The following TRMU variants were observed in gnomAD, a reference collection of about 807,000 sequenced individuals.
TRMU encodes the protein tRNA mitochondrial 2-thiouridylase.
Under a neutral mutation model 46.9 loss-of-function variants are expected in TRMU, and 49 were observed. The ratio of observed to expected loss-of-function variants is 1.05; its 90% confidence interval spans 0.83 to 1.33. TRMU has a LOEUF of 1.33. TRMU is among the 40% of genes most tolerant of loss of function. The pLI, the probability that TRMU is intolerant of heterozygous loss-of-function variation, is 0.00. For synonymous variants in TRMU, 241 were observed against 200.9 expected (o/e 1.20, Z -1.69); for missense variants, 572 against 532.4 (o/e 1.07, Z -0.73).
Position 46,357,130 on chromosome 22 carries a change from G to T in TRMU, c.*124G>T, listed in dbSNP as rs116303153. On this transcript the variant is annotated 3_prime_UTR_variant, in exon 11 of 11. Transcript: ENST00000645190. ...AAGCAGAGGAAGCCGGGCTGGCTGA[G>T]GGTCCGAAAAGCCTGCAGGGGCCCG... 1.4e-6 allele frequency: 2 copies of T among 1,426,772 alleles called. No homozygotes were observed. Among genetic ancestry groups the T allele is most frequent in the African/African-American group, 2.8e-5 (2 of 70,634 alleles). 88.4% of individuals were successfully genotyped at this position (1,426,772 alleles called of 1,614,324 possible).
intron 2 of TRMU, 92 bp from the exon 3 acceptor site, chr22:46,343,170 A>G: frequency 1.1e-6 from 1 of 891,542 alleles, no homozygotes; most frequent in Non-Finnish European, 1.7e-6. Flanking sequence ...TGACAAGGGG[A>G]AATTACATTA....
chr22:46,356,121 C>G, intron 10 of TRMU, 49 bp downstream of exon 10: 1 of 1,600,604 alleles, frequency 6.2e-7, no homozygotes, highest in Non-Finnish European at 8.6e-7. Flanking sequence ...CTGCTCTGCA[C>G]CCTGCCAGGG....
rs760819046 is a variant in TRMU, at chr22:46,353,820, C to T, written c.826C>T (p.Pro276Ser). 2.5e-6 allele frequency: 4 copies of T among 1,613,820 alleles called. No individual in the cohort carries two copies. The highest frequency in any genetic ancestry group is 1.3e-5 in the African/African-American group (1 of 74,918). The change falls in exon 8 of 11, where the codon CCC (proline) becomes TCC (serine). Residue 276 changes from proline (P) to serine (S), a missense_variant. Transcript: ENST00000645190. ...AGCAAACATAGGTGGCCTGAGAGAG[C>T]CCTGGTACGTGGTGGAGAAGGACAG... is the stretch of plus-strand genomic sequence containing the variant. ...QRANIGGLREPWYVVEKDSVK... is the reference protein window; with the variant it reads ...QRANIGGLRESWYVVEKDSVK...
At chr22:46,353,911 C>T (rs1361016672) in intron 8 of TRMU, 44 bp downstream of exon 8, 1 of 1,583,962 alleles carries the variant, frequency 6.3e-7, no homozygotes, top group Non-Finnish European at 8.7e-7. Context: ...CTGGTTCTGG[C>T]AGGGCCAGCA....
chr22:46,351,521 G>A lies in TRMU; in HGVS notation c.652-600G>A, dbSNP rs1010280. 5,047 of 185,588 alleles carry A rather than the reference G, an allele frequency of 0.027. 281 individuals are homozygous for A. Among genetic ancestry groups the A allele is most frequent in the African/African-American group, 0.11 (4,694 of 42,426 alleles). The allele number at this position is 185,588 out of a possible 1,614,324, so 11.5% of individuals were successfully genotyped here. On this transcript the variant is annotated intron_variant, in intron 5 of 10. Coordinates refer to ENST00000645190, the MANE Select transcript of TRMU (RefSeq NM_018006.5). The surrounding 1 kb of genome is among the most constrained non-coding windows in gnomAD (Gnocchi z 6.4). ...CAGAGCCATCTTCCCTGAAGAGCAC[G>A]CCCACCGCCCGTCCTCCTCTCCTCT...
chr22:46,353,900 G>C (rs771744082), intron 8 of TRMU, 33 bp downstream of exon 8: 107 of 1,603,292 alleles, frequency 6.7e-5, no homozygotes, highest in Non-Finnish European at 8.9e-5. Flanking sequence ...CAGCACTGGG[G>C]CTGGTTCTGG....
In TRMU at chr22:46,356,913, C is replaced by A; in HGVS notation, c.1173C>A (p.Tyr391Ter). 1.2e-6 allele frequency: 2 copies of A among 1,613,288 alleles called. No homozygotes were observed. Among genetic ancestry groups the A allele is most frequent in the Non-Finnish European group, 1.7e-6 (2 of 1,179,970 alleles). The change falls in exon 11 of 11, where the codon TAC becomes TAA. Residue 391 changes from tyrosine to a stop codon, truncating the protein, a stop_gained. Coordinates refer to ENST00000645190, the MANE Select transcript of TRMU (RefSeq NM_018006.5). LOFTEE classifies it low-confidence loss of function (END_TRUNC). ...GKILRLGPSA[Y>*]TLQKGQRRAG... ...TCCTGCGGCTGGGGCCGTCTGCCTA[C>A]ACGCTCCAGAAGGGCCAGCGCAGAG...
Position 46,351,972 on chromosome 22 carries a change from C to G in TRMU, c.652-149C>G. 1.2e-6 allele frequency: 1 copy of G among 852,228 alleles called. No individual in the cohort carries two copies. 52.8% of individuals were successfully genotyped at this position (852,228 alleles called of 1,614,324 possible). Reference sequence around the variant, plus strand: ...GTGTGCGCCGGCTGTGACTGGCGGCCGAGGGTGCCGGTGGGCAGCCGGGCC... The same window carrying G: ...GTGTGCGCCGGCTGTGACTGGCGGCGGAGGGTGCCGGTGGGCAGCCGGGCC... On this transcript the variant is annotated intron_variant, in intron 5 of 10. Coordinates refer to ENST00000645190, the MANE Select transcript of TRMU (RefSeq NM_018006.5). The surrounding 1 kb of genome is among the most constrained non-coding windows in gnomAD (Gnocchi z 6.4).
Position 46,350,693 on chromosome 22 carries a change from C to T in TRMU, c.651+230C>T, listed in dbSNP as rs1303712630. ...TCCTTGCTTTTTTCCTCTCCTCTGC[C>T]CCTATGTGGTAGGCAGCTTTCCCCA... On this transcript the variant is annotated intron_variant, in intron 5 of 10. Transcript: ENST00000645190. The surrounding 1 kb of genome is among the most constrained non-coding windows in gnomAD (Gnocchi z 4.6). 1.3e-5 allele frequency among the ~76,000 whole-genome samples: 2 copies of T among 152,174 alleles called. No individual in the cohort carries two copies. Among genetic ancestry groups the T allele is most frequent in the African/African-American group, 4.8e-5 (2 of 41,438 alleles).
In TRMU at chr22:46,350,137, G is replaced by A. The variant is rs2078371142; in HGVS notation, c.479-154G>A. On this transcript the variant is annotated intron_variant, in intron 4 of 10. Coordinates refer to ENST00000645190, the MANE Select transcript of TRMU (RefSeq NM_018006.5). The surrounding 1 kb of genome is among the most constrained non-coding windows in gnomAD (Gnocchi z 4.6). ...GTGCGAATTTTTCTTACATTAACCC[G>A]TGGTGGTCTTTTCCCTAGTAGTTGC... Among the ~76,000 whole-genome samples, 1 of 151,360 alleles carries A rather than the reference G, an allele frequency of 6.6e-6. No individual in the cohort carries two copies. The highest frequency in any genetic ancestry group is 6.6e-5 in the Admixed American group (1 of 15,204).
In TRMU at chr22:46,355,472, A is replaced by G. The variant is rs186961144; in HGVS notation, c.902A>G (p.Tyr301Cys). ...VAPRTDHPAL[Y>C]RDLLRTSRVH... ...CCCCGGACAGACCACCCAGCCCTGT[A>G]CAGGGACCTGCTGAGGACCAGCCGC... is the stretch of plus-strand genomic sequence containing the variant. Residue 301 changes from tyrosine (Y) to cysteine (C), a missense_variant, in exon 9 of 11, where the codon TAC (tyrosine) becomes TGC (cysteine). Coordinates refer to ENST00000645190, the MANE Select transcript of TRMU (RefSeq NM_018006.5). 2.6e-4 allele frequency: 417 copies of G among 1,613,086 alleles called. No homozygotes were observed. The highest frequency in any genetic ancestry group is 2.9e-4 in the Non-Finnish European group (340 of 1,179,922).
chr22:46,336,219 C>T lies in TRMU; in HGVS notation c.82+373C>T. The T allele has an allele frequency of 2.9e-6, 3 of 1,036,466 alleles. No individual in the cohort carries two copies. Among genetic ancestry groups the T allele is most frequent in the Non-Finnish European group, 3.6e-6 (3 of 838,154 alleles). 64.2% of individuals were successfully genotyped at this position (1,036,466 alleles called of 1,614,324 possible). A position where few individuals can be genotyped will look rare whatever the true frequency, so the allele number is the denominator to read the frequency against. On this transcript the variant is annotated intron_variant, in intron 1 of 10. Coordinates refer to ENST00000645190, the MANE Select transcript of TRMU (RefSeq NM_018006.5). The surrounding 1 kb of genome is among the most constrained non-coding windows in gnomAD (Gnocchi z 4.1). ...CACTGGTGAGGGGAGCTGGGATCGC[C>T]GGGCCGGGGGCCTGACCTCTGCACA... is the stretch of plus-strand genomic sequence containing the variant.
chr22:46,342,618 A>G lies in TRMU; in HGVS notation c.249-644A>G, dbSNP rs2078149902. On this transcript the variant is annotated intron_variant, in intron 2 of 10. Coordinates refer to ENST00000645190, the MANE Select transcript of TRMU (RefSeq NM_018006.5). The surrounding 1 kb of genome is among the most constrained non-coding windows in gnomAD (Gnocchi z 4.7). ...ACTTGCTTGAGGCCTGGAGTTCAGTATCAGCATGGGCAACATGGCAAGACC... is the reference window on the plus strand; with the variant it reads ...ACTTGCTTGAGGCCTGGAGTTCAGTGTCAGCATGGGCAACATGGCAAGACC... Among the ~76,000 whole-genome samples, 1 of 152,220 alleles carries G rather than the reference A, an allele frequency of 6.6e-6. No individual in the cohort carries two copies. The highest frequency in any genetic ancestry group is 2.1e-4 in the South Asian group (1 of 4,834).
rs1349680128 is a variant in TRMU, at chr22:46,336,230, C to T, written c.82+384C>T. 2 of 972,422 alleles carry T rather than the reference C, an allele frequency of 2.1e-6. No individual in the cohort carries two copies. Among genetic ancestry groups the T allele is most frequent in the African/African-American group, 1.8e-5 (1 of 55,470 alleles). 60.2% of individuals were successfully genotyped at this position (972,422 alleles called of 1,614,324 possible). The stretch of plus-strand genomic sequence containing the variant: ...GGAGCTGGGATCGCCGGGCCGGGGG[C>T]CTGACCTCTGCACACGCTGTGGCCG... On this transcript the variant is annotated intron_variant, in intron 1 of 10. Coordinates refer to ENST00000645190, the MANE Select transcript of TRMU (RefSeq NM_018006.5). The surrounding 1 kb of genome is among the most constrained non-coding windows in gnomAD (Gnocchi z 4.1).
At position 46,347,025 on chromosome 22, in the gene TRMU, T is replaced by G. The variant is rs1402805333; in HGVS notation, c.478+481T>G. Among the ~76,000 whole-genome samples the G allele has an allele frequency of 6.6e-6, 1 of 152,214 alleles. No individual in the cohort carries two copies. The highest frequency in any genetic ancestry group is 2.4e-5 in the African/African-American group (1 of 41,446). On this transcript the variant is annotated intron_variant, in intron 4 of 10. Transcript: ENST00000645190. This position sits in a 1 kb window ranked among gnomAD's most constrained non-coding sequence, Gnocchi z 5.0. ...TTTGTAGCCGTATTTACACGTTAGT[T>G]TATGCGTGTTAGGGAGCCAAGTTTC...
rs1278677738 is a variant in TRMU, at chr22:46,339,687, G to A, written c.248+1743G>A. On this transcript the variant is annotated intron_variant, in intron 2 of 10. Coordinates refer to ENST00000645190, the MANE Select transcript of TRMU (RefSeq NM_018006.5). The surrounding 1 kb of genome is among the most constrained non-coding windows in gnomAD (Gnocchi z 4.8). The stretch of plus-strand genomic sequence containing the variant: ...AAAACCATTGAAATAACAATAAAAC[G>A]AAATTTAGAGAGATTAAGTAAATTG... Among the ~76,000 whole-genome samples, 1 of 152,002 alleles carries A rather than the reference G, an allele frequency of 6.6e-6. No homozygotes were observed. Among genetic ancestry groups the A allele is most frequent in the Non-Finnish European group, 1.5e-5 (1 of 68,014 alleles).
rs80009032 is a variant in TRMU at position 46,355,331 on chromosome 22, C to T, written c.874-113C>T. On this transcript the variant is annotated intron_variant, in intron 8 of 10. Coordinates refer to ENST00000645190, the MANE Select transcript of TRMU (RefSeq NM_018006.5). Reference sequence around the variant, plus strand: ...AGAACACTTCGAGCGGTGCCAGCACCGTTACCTGTGTGTGTGTGTGCTGGT... The same window carrying T: ...AGAACACTTCGAGCGGTGCCAGCACTGTTACCTGTGTGTGTGTGTGCTGGT... 8,726 of 1,472,518 alleles carry T rather than the reference C, an allele frequency of 5.9e-3. 339 individuals are homozygous for T. The African/African-American group carries it at 0.091, about 15-fold the overall frequency. The allele number at this position is 1,472,518 out of a possible 1,614,324, so 91.2% of individuals were successfully genotyped here.
chr22:46,335,932 C>A, intron 1 of TRMU, 86 bp downstream of exon 1: 1 of 1,510,556 alleles, frequency 6.6e-7, no homozygotes, highest in South Asian at 1.2e-5. Context: ...GTGCACGTCT[C>A]CTCCCTCCCT....
rs949114701 is a variant in TRMU at position 46,349,156 on chromosome 22, G to A, written c.479-1135G>A. ...CCATCTCAAAAAAAAAAAAAAAAGT[G>A]GACTCTGGAAAGTGCTCTGCTTCCG... On this transcript the variant is annotated intron_variant, in intron 4 of 10. Transcript: ENST00000645190. The surrounding 1 kb of genome is among the most constrained non-coding windows in gnomAD (Gnocchi z 4.6). Among the ~76,000 whole-genome samples the A allele has an allele frequency of 1.3e-5, 2 of 151,550 alleles. No homozygotes were observed. Among genetic ancestry groups the A allele is most frequent in the Admixed American group, 6.6e-5 (1 of 15,216 alleles).
Sources: gnomAD v4.1 joint callset for allele counts (sites outside exome capture counted in the v4.1 genomes callset) on GRCh38, gnomAD v4.1.1 for gene constraint, Gnocchi (gnomAD v3.1) non-coding constraint, MANE v1.5 for transcripts, NCBI Gene and HGNC (gene_info 2026-07-23, HGNC 2026-07-21) for gene names.